PHACTR1: variants seen among roughly 807,000 people sequenced by gnomAD.
The protein encoded by PHACTR1 is phosphatase and actin regulator 1.
Under a neutral mutation model 69.2 loss-of-function variants are expected in PHACTR1, and 16 were observed. The ratio of observed to expected loss-of-function variants is 0.23; its 90% CI spans 0.16 to 0.35. The LOEUF (loss-of-function observed/expected upper bound fraction) is 0.35. PHACTR1 is among the 10% of genes least tolerant of loss of function. PHACTR1 has a pLI of 1.00. For missense variants in PHACTR1, 510 were observed against 734.7 expected (o/e 0.69, Z 3.54); for synonymous variants, 312 against 284.5 (o/e 1.10, Z -0.97).
At chr6:13,273,902 G>GCCCCCCCCCCCCCCCCCCCCCC (rs71854312) in intron 11 of PHACTR1, 1 of 145,760 alleles carries the variant, frequency 6.9e-6, no homozygotes. Context: ...GCCTCCCCCG[G>GCCCCCCCCCCCCCCCCCCCCCC]CCCCCCCGCC....
At chr6:13,195,791 G>A (rs556565848) in intron 7 of PHACTR1, among the ~76,000 whole-genome samples, 2 of 96,810 alleles carry the variant, frequency 2.1e-5, no homozygotes, top group Non-Finnish European at 4.3e-5. Context: ...GTTCATTTGT[G>A]GTGGTAAGAA....
At chr6:13,168,701 C>T (rs9473577) in intron 6 of PHACTR1, among the ~76,000 whole-genome samples, 9,225 of 151,954 alleles carry the variant, frequency 0.061, 756 homozygotes, top group African/African-American at 0.18. Context: ...AGGAACCCTG[C>T]GGGGTGAGTA....
chr6:13,132,729 T>TAA (rs77142357), intron 5 of PHACTR1, among the ~76,000 whole-genome samples: 9 of 38,532 alleles, frequency 2.3e-4, no homozygotes, highest in African/African-American at 3.2e-4. Flanking sequence ...ACCGTATTGC[T>TAA]AAAAAAAAAA....
chr6:12,750,119 TGGCGAGGCTCCCCG>T (rs1766413372), intron 4 of PHACTR1, among the ~76,000 whole-genome samples: 1 of 152,066 alleles, frequency 6.6e-6, no homozygotes, highest in Admixed American at 6.5e-5. Flanking sequence ...GCGCGGGGTC[TGGCGAGGCTCCCCG>T]GGCGAGGTTG....
At chr6:13,098,946 T>C (rs2127852393) in intron 5 of PHACTR1, among the ~76,000 whole-genome samples, 1 of 152,346 alleles carries the variant, frequency 6.6e-6, no homozygotes, top group East Asian at 1.9e-4. Context: ...GGTAATGGGA[T>C]AAAAGCAAAA....
In PHACTR1 at chr6:12,771,003, C is replaced by T. The variant is rs1443110280; in HGVS notation, c.250+21213C>T. Among the ~76,000 whole-genome samples, 5 of 152,104 alleles carry T rather than the reference C, an allele frequency of 3.3e-5. No homozygotes were observed. In the South Asian group the frequency reaches 1.0e-3, roughly 32 times the overall value. On this transcript the variant is annotated intron_variant, in intron 4 of 14. Coordinates refer to ENST00000332995, the MANE Select transcript of PHACTR1 (RefSeq NM_030948.6). The stretch of plus-strand genomic sequence containing the variant: ...GAAAGCTGGTAGGACTGGAACCTGT[C>T]GTGGGACCAAGGACATGCAAAGGAT...
At position 13,037,954 on chromosome 6, in the gene PHACTR1, TTC is replaced by T. The variant is rs1803564625; in HGVS notation, c.251-15405_251-15404del. 4.6e-5 allele frequency among the ~76,000 whole-genome samples: 7 copies of T among 152,282 alleles called. No homozygotes were observed. In the South Asian group the frequency reaches 1.5e-3, roughly 32 times the overall value. On this transcript the variant is annotated intron_variant, in intron 4 of 14. Transcript: ENST00000332995. ...GTGGTATCAAGGACAACTCGTTGGT[TTC>T]TCTCTGAGCAATTACATCACTGGCA...
intron 5 of PHACTR1, among the ~76,000 whole-genome samples, chr6:13,129,557 A>T (rs185931906): frequency 6.6e-6 from 1 of 152,304 alleles, no homozygotes; most frequent in African/African-American, 2.4e-5. Context: ...GTTAAAAAAA[A>T]ATAGGGACTT....
chr6:13,254,255 T>A (rs886469072), intron 10 of PHACTR1, among the ~76,000 whole-genome samples: 84 of 150,954 alleles, frequency 5.6e-4, no homozygotes, highest in African/African-American at 1.2e-3. Context: ...AAAATAAATT[T>A]AAAAAAAAAC....
chr6:13,066,412 G>T (rs1025013819), intron 5 of PHACTR1, among the ~76,000 whole-genome samples: 1 of 152,168 alleles, frequency 6.6e-6, no homozygotes, highest in Non-Finnish European at 1.5e-5. Flanking sequence ...TTATGGATGC[G>T]TAAGATGGAA....
At chr6:13,284,890 G>A (rs2127495642) in intron 13 of PHACTR1, among the ~76,000 whole-genome samples, 1 of 152,242 alleles carries the variant, frequency 6.6e-6, no homozygotes, top group South Asian at 2.1e-4. Flanking sequence ...TCAACCCACA[G>A]ACACCATGTG....
intron 6 of PHACTR1, 27 bp downstream of exon 6, chr6:13,160,311 G>A (rs369770703): frequency 3.7e-5 from 59 of 1,588,024 alleles, no homozygotes; most frequent in South Asian, 2.2e-4. Flanking sequence ...TGTCATCCCC[G>A]GGTCAAAGAG....
chr6:13,204,217 G>T (rs937690187), intron 7 of PHACTR1, among the ~76,000 whole-genome samples: 5 of 152,152 alleles, frequency 3.3e-5, no homozygotes, highest in African/African-American at 9.7e-5. Flanking sequence ...CCATGGATGG[G>T]TTTTAAACTG....
At chr6:13,061,181 A>G (rs1323685974) in intron 5 of PHACTR1, among the ~76,000 whole-genome samples, 1 of 152,170 alleles carries the variant, frequency 6.6e-6, no homozygotes, top group African/African-American at 2.4e-5. Flanking sequence ...TTATAAGGGT[A>G]CCAGACATTT....
At position 12,954,062 on chromosome 6, in the gene PHACTR1, T is replaced by C. The variant is rs553404675; in HGVS notation, c.251-99303T>C. Among the ~76,000 whole-genome samples, 33 of 152,250 alleles carry C rather than the reference T, an allele frequency of 2.2e-4. No homozygotes were observed. The East Asian group carries it at 5.6e-3, about 26-fold the overall frequency. On this transcript the variant is annotated intron_variant, in intron 4 of 14. Coordinates refer to ENST00000332995, the MANE Select transcript of PHACTR1 (RefSeq NM_030948.6). ...GATTAGGAAAAACTACAGGAAACAG[T>C]TGAGCTGGGCTTGAAAGATTTCGCT... is the stretch of plus-strand genomic sequence containing the variant.
chr6:13,054,261 A>G (rs778472788), intron 5 of PHACTR1, among the ~76,000 whole-genome samples: 1 of 152,234 alleles, frequency 6.6e-6, no homozygotes, highest in Admixed American at 6.5e-5. Flanking sequence ...GAGAGTTTGT[A>G]TGGCATCTTA....
intron 5 of PHACTR1, among the ~76,000 whole-genome samples, chr6:13,100,650 T>C (rs1475806875): frequency 6.6e-6 from 1 of 152,206 alleles, no homozygotes; most frequent in Non-Finnish European, 1.5e-5. Flanking sequence ...TTTAGCATGA[T>C]TACCCTCACC....
chr6:13,008,203 G>T (rs1352919616), intron 4 of PHACTR1, among the ~76,000 whole-genome samples: 1 of 152,210 alleles, frequency 6.6e-6, no homozygotes, highest in Non-Finnish European at 1.5e-5. Context: ...TTTCGCTTTA[G>T]GCTTCAAAAC....
chr6:13,050,758 C>A (rs1326565056), intron 4 of PHACTR1, among the ~76,000 whole-genome samples: 2 of 152,208 alleles, frequency 1.3e-5, no homozygotes, highest in Non-Finnish European at 2.9e-5. Context: ...GAGCTGCCAT[C>A]CTATTCTGCT....
Sources: gnomAD v4.1 joint callset for allele counts (sites outside exome capture counted in the v4.1 genomes callset) on GRCh38, gnomAD v4.1.1 for gene constraint, MANE v1.5 for transcripts, NCBI Gene and HGNC (gene_info 2026-07-23, HGNC 2026-07-21) for gene names.